The following SHISAL1 variants were observed in gnomAD, a reference collection of about 807,000 sequenced individuals.
SHISAL1 encodes protein shisa-like-1.
Under a neutral mutation model 22.6 loss-of-function variants are expected in SHISAL1, and 9 were observed. The ratio of observed to expected loss-of-function variants is 0.40; its 90% CI spans 0.24 to 0.70. The LOEUF (loss-of-function observed/expected upper bound fraction) is 0.70. SHISAL1 is among the 30% of genes least tolerant of loss of function. SHISAL1 has a pLI of 0.39. For synonymous variants in SHISAL1, 119 were observed against 115.4 expected, an observed-to-expected ratio of 1.03 and a Z score of -0.20; for missense variants, 246 against 270.6, an observed-to-expected ratio of 0.91 and a Z score of 0.64.
chr22:44,314,561 A>G (rs2055545301), upstream of SHISAL1, among the ~76,000 whole-genome samples: 1 of 152,216 alleles, frequency 6.6e-6, no homozygotes, highest in Non-Finnish European at 1.5e-5. Flanking sequence ...GGTTGGAAGC[A>G]CAACAAAGAC....
intron 1 of SHISAL1, among the ~76,000 whole-genome samples, chr22:44,308,016 G>A (rs1462482187): frequency 6.6e-6 from 1 of 152,150 alleles, no homozygotes; most frequent in Non-Finnish European, 1.5e-5. Flanking sequence ...GACCAAGCGC[G>A]ACACCTCCAG....
At chr22:44,324,218 G>T in the SHISAL1 span, among the ~76,000 whole-genome samples, 10 of 152,188 alleles carry the variant, frequency 6.6e-5, no homozygotes, top group African/African-American at 2.4e-4. Context: ...GGATGCTGAG[G>T]CTCAGAGGGA....
chr22:44,257,908 G>A (rs1401720074), intron 4 of SHISAL1, among the ~76,000 whole-genome samples: 4 of 152,300 alleles, frequency 2.6e-5, no homozygotes, highest in Middle Eastern at 3.4e-3. Flanking sequence ...TTGGGAGGCC[G>A]AGGTGGGCGG....
chr22:44,299,634 G>A (rs2055411798), intron 2 of SHISAL1, among the ~76,000 whole-genome samples: 1 of 152,052 alleles, frequency 6.6e-6, no homozygotes, highest in Admixed American at 6.6e-5. Context: ...AAGGGGCAGG[G>A]GCTGAAAACC....
At position 44,303,270 on chromosome 22, in the gene SHISAL1, CA is replaced by C. The variant is rs1465430177; in HGVS notation, c.-32-2294del. On this transcript the variant is annotated intron_variant, in intron 1 of 4. Coordinates refer to ENST00000381176, the MANE Select transcript of SHISAL1 (RefSeq NM_001099294.2). ...TATGGTATGTGAATTGTGTTCCCCC[CA>C]AATTCACATGTTGAAGTCCTAACTC... 2.0e-5 allele frequency among the ~76,000 whole-genome samples: 3 copies of C among 152,162 alleles called. No homozygotes were observed. In the South Asian group the frequency reaches 6.2e-4, roughly 32 times the overall value.
intron 4 of SHISAL1, among the ~76,000 whole-genome samples, chr22:44,283,759 C>T (rs2055292446): frequency 6.6e-6 from 1 of 152,208 alleles, no homozygotes; most frequent in South Asian, 2.1e-4. Context: ...AAAAGCTTGG[C>T]TCTTATAGAC....
At chr22:44,250,678 A>G (rs1329072507) in intron 4 of SHISAL1, among the ~76,000 whole-genome samples, 2 of 152,112 alleles carry the variant, frequency 1.3e-5, no homozygotes, top group Non-Finnish European at 2.9e-5. Flanking sequence ...ATCCAGGGGG[A>G]AATGAACTAT....
intron 4 of SHISAL1, among the ~76,000 whole-genome samples, chr22:44,267,375 T>C (rs1034681755): frequency 1.3e-5 from 2 of 151,708 alleles, no homozygotes; most frequent in Non-Finnish European, 2.9e-5. Context: ...TCAGCCCAGG[T>C]TCCCAGACAT....
At chr22:44,301,329 C>T (rs1023336055) in intron 1 of SHISAL1, among the ~76,000 whole-genome samples, 28 of 152,176 alleles carry the variant, frequency 1.8e-4, no homozygotes, top group Admixed American at 1.6e-3. Flanking sequence ...CCTCGAGGAG[C>T]TTACAGGACC....
chr22:44,329,874 C>T, the SHISAL1 span, among the ~76,000 whole-genome samples: 1 of 152,204 alleles, frequency 6.6e-6, no homozygotes, highest in Non-Finnish European at 1.5e-5. Flanking sequence ...AAGCTGAAGC[C>T]TACCAGTAGG....
chr22:44,295,912 C>T (rs936319314), intron 3 of SHISAL1, among the ~76,000 whole-genome samples: 3 of 152,212 alleles, frequency 2.0e-5, no homozygotes, highest in Non-Finnish European at 4.4e-5. Flanking sequence ...CCTGTGGTCC[C>T]CTCCATCAGG....
At chr22:44,295,309 G>A (rs2055378174) in intron 3 of SHISAL1, among the ~76,000 whole-genome samples, 1 of 151,888 alleles carries the variant, frequency 6.6e-6, no homozygotes, top group South Asian at 2.1e-4. Flanking sequence ...AATAAATGGT[G>A]TTGGAATAAC....
intron 4 of SHISAL1, among the ~76,000 whole-genome samples, chr22:44,252,728 C>T (rs1195001644): frequency 6.6e-6 from 1 of 151,684 alleles, no homozygotes; most frequent in Non-Finnish European, 1.5e-5. Context: ...GGCGTGGTGG[C>T]TCACACCTGT....
the SHISAL1 span, among the ~76,000 whole-genome samples, chr22:44,326,369 A>G: frequency 8.5e-5 from 13 of 152,124 alleles, no homozygotes; most frequent in Admixed American, 7.9e-4. Flanking sequence ...CAATTTCCCA[A>G]TGCAAATCTC....
intron 4 of SHISAL1, among the ~76,000 whole-genome samples, chr22:44,269,484 A>G (rs2055190732): frequency 6.9e-6 from 1 of 145,760 alleles, no homozygotes; most frequent in African/African-American, 2.6e-5. Flanking sequence ...GCACACACAC[A>G]CACACACACT....
intron 4 of SHISAL1, among the ~76,000 whole-genome samples, chr22:44,278,152 G>A (rs1048503290): frequency 1.2e-4 from 19 of 152,204 alleles, no homozygotes; most frequent in East Asian, 5.8e-4. Flanking sequence ...AGCTGCCAGC[G>A]TGGCCTGAAC....
At chr22:44,318,843 G>T in the SHISAL1 span, among the ~76,000 whole-genome samples, 1 of 152,224 alleles carries the variant, frequency 6.6e-6, no homozygotes, top group Non-Finnish European at 1.5e-5. Flanking sequence ...GCCCCAGAGA[G>T]GCTGTCACTC....
chr22:44,259,486 AG>A (rs1405415856), intron 4 of SHISAL1, among the ~76,000 whole-genome samples: 1 of 150,198 alleles, frequency 6.7e-6, no homozygotes, highest in Non-Finnish European at 1.5e-5. Context: ...AAAAAAAAAA[AG>A]AAACAGCCAA....
At chr22:44,314,006 C>A (rs1327584401), upstream of SHISAL1, among the ~76,000 whole-genome samples, 2 of 152,084 alleles carry the variant, frequency 1.3e-5, no homozygotes, top group Admixed American at 1.3e-4. Flanking sequence ...CCTGATGCAG[C>A]CTGACGGGGT....
Sources: gnomAD v4.1 joint callset for allele counts (sites outside exome capture counted in the v4.1 genomes callset) on GRCh38, gnomAD v4.1.1 for gene constraint, MANE v1.5 for transcripts, NCBI Gene and HGNC (gene_info 2026-07-23, HGNC 2026-07-21) for gene names.